KCNN2: variants seen among roughly 807,000 people sequenced by gnomAD.
KCNN2 encodes the protein small conductance calcium-activated potassium channel protein 2.
In KCNN2, 24 loss-of-function variants were observed where a neutral mutation model predicts 55.5. The ratio of observed to expected loss-of-function variants is 0.43; its 90% CI spans 0.31 to 0.61. KCNN2 has a LOEUF of 0.61. Among genes scored for constraint, KCNN2 ranks in the 20% least tolerant of loss-of-function variants. The pLI, the probability that KCNN2 is intolerant of heterozygous loss-of-function variation, is 0.08. For synonymous variants in KCNN2, 431 were observed against 336.1 expected (o/e 1.28, Z -3.09); for missense variants, 754 against 853.6 (o/e 0.88, Z 1.45).
chr5:114,116,416 T>C (rs1164759835), intron 1 of KCNN2, among the ~76,000 whole-genome samples: 1 of 152,194 alleles, frequency 6.6e-6, no homozygotes, highest in Non-Finnish European at 1.5e-5. Flanking sequence ...AAGTGATAAG[T>C]ACACTACTAT....
intron 2 of KCNN2, among the ~76,000 whole-genome samples, chr5:114,251,208 A>G (rs1016768907): frequency 6.6e-6 from 1 of 152,186 alleles, no homozygotes; most frequent in Non-Finnish European, 1.5e-5. Context: ...TGCCTATTGC[A>G]ATTACAACCA....
intron 1 of KCNN2, among the ~76,000 whole-genome samples, chr5:114,123,193 A>G (rs1751859103): frequency 1.3e-5 from 2 of 152,190 alleles, no homozygotes; most frequent in South Asian, 2.1e-4. Flanking sequence ...TAATTTTTCA[A>G]ATAATTATTG....
intron 2 of KCNN2, among the ~76,000 whole-genome samples, chr5:114,394,008 A>G (rs1473748255): frequency 6.6e-6 from 1 of 152,156 alleles, no homozygotes; most frequent in African/African-American, 2.4e-5. Context: ...TTGCAAATAT[A>G]TTGATATGAC....
intron 1 of KCNN2, among the ~76,000 whole-genome samples, chr5:114,095,427 C>T (rs946637484): frequency 1.3e-5 from 2 of 152,132 alleles, no homozygotes; most frequent in Non-Finnish European, 1.5e-5. Context: ...CTATGAGCCT[C>T]AGGAGAAGAA....
chr5:114,086,452 G>C (rs1191217938), intron 1 of KCNN2, among the ~76,000 whole-genome samples: 1 of 151,110 alleles, frequency 6.6e-6, no homozygotes, highest in Non-Finnish European at 1.5e-5. Context: ...CCATCTAGTA[G>C]TCCTCAGTGT....
chr5:114,194,915 C>T (rs1348511678), intron 1 of KCNN2, among the ~76,000 whole-genome samples: 1 of 148,542 alleles, frequency 6.7e-6, no homozygotes, highest in Non-Finnish European at 1.5e-5. Context: ...ATGTGGCTCT[C>T]TGATTCTCCC....
At chr5:114,476,649 G>A (rs539896980) in intron 5 of KCNN2, among the ~76,000 whole-genome samples, 62 of 152,110 alleles carry the variant, frequency 4.1e-4, no homozygotes, top group African/African-American at 1.3e-3. Flanking sequence ...TGGAACTCCC[G>A]ACCTCAGGTG....
At chr5:114,478,286 C>CTT (rs1309294566) in intron 5 of KCNN2, among the ~76,000 whole-genome samples, 2 of 151,978 alleles carry the variant, frequency 1.3e-5, no homozygotes, top group African/African-American at 4.8e-5. Context: ...CCAAAATAGC[C>CTT]TTTTAAACTA....
intron 1 of KCNN2, among the ~76,000 whole-genome samples, chr5:114,096,945 C>T (rs572073310): frequency 6.6e-6 from 1 of 152,132 alleles, no homozygotes; most frequent in Non-Finnish European, 1.5e-5. Flanking sequence ...GCTATTACCT[C>T]CCTTATATAG....
intron 1 of KCNN2, among the ~76,000 whole-genome samples, chr5:114,142,001 G>A (rs910719244): frequency 1.6e-4 from 25 of 152,186 alleles, no homozygotes; most frequent in African/African-American, 5.8e-4. Context: ...TTGTAAGTTT[G>A]TTTGAGTTCT....
intron 1 of KCNN2, among the ~76,000 whole-genome samples, chr5:114,058,261 T>C (rs975670853): frequency 6.6e-6 from 1 of 152,168 alleles, no homozygotes; most frequent in Non-Finnish European, 1.5e-5. Context: ...TGTGTGTATG[T>C]GTGTATGTCT....
At chr5:114,432,538 G>C (rs531016587) in intron 3 of KCNN2, among the ~76,000 whole-genome samples, 1 of 152,256 alleles carries the variant, frequency 6.6e-6, no homozygotes, top group Admixed American at 6.5e-5. Context: ...CACAGCCCTC[G>C]CTCGCTCTCG....
chr5:114,320,492 T>C (rs926719841), intron 2 of KCNN2, among the ~76,000 whole-genome samples: 1 of 151,846 alleles, frequency 6.6e-6, no homozygotes, highest in Non-Finnish European at 1.5e-5. Flanking sequence ...TGGGTACCTG[T>C]AGTCCTAGCT....
intron 2 of KCNN2, among the ~76,000 whole-genome samples, chr5:114,319,964 CTT>C (rs1171410214): frequency 6.6e-6 from 1 of 152,192 alleles, no homozygotes; most frequent in African/African-American, 2.4e-5. Flanking sequence ...CTGAGAAAGA[CTT>C]CTATTTTCAG....
chr5:114,314,524 C>T (rs1050794937), intron 2 of KCNN2, among the ~76,000 whole-genome samples: 1 of 152,118 alleles, frequency 6.6e-6, no homozygotes, highest in Admixed American at 6.6e-5. Context: ...TTTTAATCCT[C>T]TCTATATTTT....
intron 1 of KCNN2, among the ~76,000 whole-genome samples, chr5:114,208,806 A>G (rs568268824): frequency 1.3e-5 from 2 of 152,110 alleles, no homozygotes; most frequent in African/African-American, 2.4e-5. Flanking sequence ...ATCTCACTCT[A>G]TCACCAACCT....
intron 1 of KCNN2, among the ~76,000 whole-genome samples, chr5:114,200,321 C>T: frequency 6.6e-6 from 1 of 151,474 alleles, no homozygotes. Context: ...TTTTGTATTT[C>T]CCTCAATGAA....
chr5:114,153,761 T>G (rs972523628), intron 1 of KCNN2, among the ~76,000 whole-genome samples: 3 of 152,226 alleles, frequency 2.0e-5, no homozygotes, highest in Non-Finnish European at 4.4e-5. Flanking sequence ...AGCATCGCCT[T>G]GGCTCTCAAG....
chr5:114,256,388 GAC>G (rs1398849278), intron 2 of KCNN2, among the ~76,000 whole-genome samples: 1 of 152,084 alleles, frequency 6.6e-6, no homozygotes, highest in African/African-American at 2.4e-5. Context: ...TCTTTGTGTG[GAC>G]ACCCAGTAGT....
Sources: allele counts gnomAD v4.1 joint callset (sites outside exome capture counted in the v4.1 genomes callset), GRCh38; gene constraint gnomAD v4.1.1; transcripts MANE v1.5; gene names NCBI Gene and HGNC (gene_info 2026-07-23, HGNC 2026-07-21).